BTC: variants seen among roughly 807,000 people sequenced by gnomAD.
BTC encodes the protein probetacellulin.
Under a neutral mutation model 18.1 loss-of-function variants are expected in BTC, and 13 were observed. That is an observed-to-expected ratio of 0.72 (90% CI 0.47 to 1.14). The LOEUF (loss-of-function observed/expected upper bound fraction) is 1.14. Among genes scored for constraint, BTC ranks in the 50% most tolerant of loss-of-function variants. The pLI, the probability that BTC is intolerant of heterozygous loss-of-function variation, is 0.00. For missense variants in BTC, 247 were observed against 224.2 expected, an observed-to-expected ratio of 1.10 and a Z score of -0.65; for synonymous variants, 83 against 79.4, an observed-to-expected ratio of 1.05 and a Z score of -0.24.
intron 1 of BTC, among the ~76,000 whole-genome samples, chr4:74,784,687 T>C (rs764349768): frequency 2.0e-5 from 3 of 152,212 alleles, no homozygotes; most frequent in Non-Finnish European, 2.9e-5. Context: ...GATAATCATG[T>C]GGTTTTTGTC....
intron 1 of BTC, 141 bp downstream of exon 1, chr4:74,794,121 C>A (rs925686014): frequency 3.8e-6 from 4 of 1,062,324 alleles, no homozygotes; most frequent in Admixed American, 4.1e-5. Flanking sequence ...GCTCTCCCAG[C>A]CTTCAAAGTT....
chr4:74,750,588 A>G lies in BTC; in HGVS notation c.413T>C (p.Val138Ala). The G allele has an allele frequency of 6.2e-7, 1 of 1,613,254 alleles. No individual in the cohort carries two copies. The highest frequency in any genetic ancestry group is 2.2e-5 in the East Asian group (1 of 44,810). The change falls in exon 4 of 6, where the codon GTC becomes GCC. Residue 138 changes from valine (V) to alanine (A), a missense_variant. Transcript: ENST00000395743. ...MVVFIILVIG[V>A]CTCCHPLRKR... ...AAATACTTACTGACAGCATGTGCAG[A>G]CACCGATGACCAAAATAATAAAAAC... is the stretch of plus-strand genomic sequence containing the variant.
intron 2 of BTC, among the ~76,000 whole-genome samples, chr4:74,763,670 G>T (rs1219458608): frequency 1.3e-5 from 2 of 152,002 alleles, no homozygotes; most frequent in African/African-American, 2.4e-5. Context: ...AAAGAATCAG[G>T]GATTAATAAA....
chr4:74,774,529 TA>T (rs1468288069), intron 1 of BTC, among the ~76,000 whole-genome samples: 1 of 151,836 alleles, frequency 6.6e-6, no homozygotes, highest in Non-Finnish European at 1.5e-5. Flanking sequence ...ATCACTTTAT[TA>T]AAAACATAAC....
At chr4:74,769,307 G>C (rs1251966930) in intron 2 of BTC, among the ~76,000 whole-genome samples, 1 of 152,032 alleles carries the variant, frequency 6.6e-6, no homozygotes, top group Non-Finnish European at 1.5e-5. Flanking sequence ...AATCTATACA[G>C]AACAAACATA....
At chr4:74,768,818 TC>T (rs1446566019) in intron 2 of BTC, among the ~76,000 whole-genome samples, 1 of 152,186 alleles carries the variant, frequency 6.6e-6, no homozygotes, top group Non-Finnish European at 1.5e-5. Flanking sequence ...TTGTCTGTCA[TC>T]AAATTATGGG....
intron 1 of BTC, among the ~76,000 whole-genome samples, chr4:74,775,553 G>A (rs958387732): frequency 2.0e-5 from 3 of 152,016 alleles, no homozygotes; most frequent in Admixed American, 1.3e-4. Flanking sequence ...CATCCCCTGG[G>A]AAAGTTCCTC....
chr4:74,779,188 G>A (rs1725254670), intron 1 of BTC, among the ~76,000 whole-genome samples: 1 of 152,118 alleles, frequency 6.6e-6, no homozygotes, highest in African/African-American at 2.4e-5. Context: ...GGCTAAAACT[G>A]ATTGATAATA....
chr4:74,750,496 A>G (rs35926103), intron 4 of BTC, 77 bp downstream of exon 4: 348,949 of 1,418,954 alleles, frequency 0.25, 45,040 homozygotes, highest in Middle Eastern at 0.29. Context: ...GAGAATGTAA[A>G]GAGGAAGAAA....
intron 2 of BTC, among the ~76,000 whole-genome samples, chr4:74,761,134 G>A (rs200971588): frequency 2.7e-5 from 4 of 150,044 alleles, no homozygotes; most frequent in Non-Finnish European, 3.0e-5. Flanking sequence ...CCCTTTGGAG[G>A]AAAAAAAAAA....
chr4:74,752,708 G>A (rs1724496945), intron 3 of BTC, among the ~76,000 whole-genome samples: 1 of 151,850 alleles, frequency 6.6e-6, no homozygotes, highest in Admixed American at 6.6e-5. Flanking sequence ...ATGTATACGA[G>A]GGAGATTTTT....
chr4:74,771,672 T>C (rs1466354146), intron 1 of BTC, among the ~76,000 whole-genome samples: 2 of 152,146 alleles, frequency 1.3e-5, no homozygotes, highest in Non-Finnish European at 2.9e-5. Context: ...GTACCTAACA[T>C]GGGTAACAGT....
At position 74,783,971 on chromosome 4, in the gene BTC, T is replaced by C. The variant is rs190849779; in HGVS notation, c.64+10291A>G. The stretch of plus-strand genomic sequence containing the variant: ...GGATTAGGCTGGCATGGTGGCTCAC[T>C]CCTGTAATCCCTGCACTTTGGGAGG... On this transcript the variant is annotated intron_variant, in intron 1 of 5. Coordinates refer to ENST00000395743, the MANE Select transcript of BTC (RefSeq NM_001729.4). 2.5e-4 allele frequency among the ~76,000 whole-genome samples: 38 copies of C among 151,964 alleles called. No individual in the cohort carries two copies. The East Asian group carries it at 5.6e-3, about 22-fold the overall frequency.
At chr4:74,752,645 C>G (rs1279940494) in intron 3 of BTC, among the ~76,000 whole-genome samples, 2 of 152,032 alleles carry the variant, frequency 1.3e-5, no homozygotes, top group Admixed American at 1.3e-4. Context: ...TCCCAAAGTG[C>G]TGGGATTACA....
At chr4:74,750,485 A>T in intron 4 of BTC, 88 bp downstream of exon 4, 1 of 1,361,402 alleles carries the variant, frequency 7.3e-7, no homozygotes, top group Non-Finnish European at 9.9e-7. Flanking sequence ...AAAAAGCAAA[A>T]GAGAATGTAA....
Position 74,770,087 on chromosome 4 carries a change from A to AGGAG in BTC, c.130_133dup (p.Leu45ProfsTer7). ...ACAGTTTTCCTCAGGGTCTCCACAG[A>AGGAG]GGAGGCCATTAGTTTCAGGACTTCT... On this transcript the variant is annotated frameshift_variant, in exon 2 of 6. Coordinates refer to ENST00000395743, the MANE Select transcript of BTC (RefSeq NM_001729.4). LOFTEE classifies it high-confidence loss of function. 2 of 1,613,292 alleles carry AGGAG rather than the reference A, an allele frequency of 1.2e-6. No individual in the cohort carries two copies. The highest frequency in any genetic ancestry group is 3.3e-4 in the Middle Eastern group (2 of 6,052).
intron 3 of BTC, among the ~76,000 whole-genome samples, chr4:74,751,756 G>T (rs1211517471): frequency 6.6e-6 from 1 of 152,136 alleles, no homozygotes; most frequent in Non-Finnish European, 1.5e-5. Flanking sequence ...AAAGTTTGGG[G>T]ACATTTTAAC....
At chr4:74,792,969 C>G (rs972637614) in intron 1 of BTC, among the ~76,000 whole-genome samples, 12 of 152,236 alleles carry the variant, frequency 7.9e-5, no homozygotes. Context: ...TCCCCACCTC[C>G]ATTGCTACAT....
At chr4:74,778,867 G>A (rs1725245999) in intron 1 of BTC, among the ~76,000 whole-genome samples, 1 of 152,112 alleles carries the variant, frequency 6.6e-6, no homozygotes, top group South Asian at 2.1e-4. Context: ...CAATATTTGT[G>A]TCCCAACACA....
Sources: gnomAD v4.1 joint callset for allele counts (sites outside exome capture counted in the v4.1 genomes callset) on GRCh38, gnomAD v4.1.1 for gene constraint, MANE v1.5 for transcripts, NCBI Gene and HGNC (gene_info 2026-07-23, HGNC 2026-07-21) for gene names.